CEP128: variants seen among roughly 807,000 people sequenced by gnomAD.
CEP128 encodes centrosomal protein 128.
A neutral mutation model predicts 156.7 loss-of-function variants in CEP128; 132 were observed. That is an observed-to-expected ratio of 0.84 (90% confidence interval 0.73 to 0.97). The LOEUF (loss-of-function observed/expected upper bound fraction) is 0.97, where lower values mean the gene tolerates loss of function less well. Among genes scored for constraint, CEP128 ranks in the 50% least tolerant of loss-of-function variants. The pLI, the probability that CEP128 is intolerant of heterozygous loss-of-function variation, is 0.00. For missense variants in CEP128, 1,252 were observed against 1,281.9 expected (o/e 0.98, Z 0.36); for synonymous variants, 469 against 448.9 (o/e 1.04, Z -0.57).
chr14:80,893,513 A>C (rs1889203175), intron 8 of CEP128, among the ~76,000 whole-genome samples: 1 of 151,704 alleles, frequency 6.6e-6, no homozygotes, highest in Admixed American at 6.6e-5. Context: ...CAAAACAAAA[A>C]AAAAAAATGG....
chr14:80,697,833 A>G (rs1188304072), intron 19 of CEP128, among the ~76,000 whole-genome samples: 1 of 152,018 alleles, frequency 6.6e-6, no homozygotes, highest in Non-Finnish European at 1.5e-5. Context: ...AAAACCAGAT[A>G]CACTTCAACA....
At chr14:80,795,271 A>G (rs547503846) in intron 13 of CEP128, among the ~76,000 whole-genome samples, 1 of 152,158 alleles carries the variant, frequency 6.6e-6, no homozygotes, top group African/African-American at 2.4e-5. Flanking sequence ...TCCTGACTCC[A>G]CCCTCTTCCC....
chr14:80,536,895 AC>A (rs1889508292), intron 21 of CEP128, among the ~76,000 whole-genome samples: 1 of 151,694 alleles, frequency 6.6e-6, no homozygotes, highest in Non-Finnish European at 1.5e-5. Context: ...AGAAGTGTTT[AC>A]ATGTGTATTG....
rs778882539 is a variant in CEP128, at chr14:80,792,757, T to A, written c.1560+3A>T. 6.2e-7 allele frequency: 1 copy of A among 1,611,704 alleles called. No individual in the cohort carries two copies. The highest frequency in any genetic ancestry group is 1.1e-5 in the South Asian group (1 of 91,036). On this transcript the variant is annotated splice_donor_region_variant and intron_variant, in intron 14 of 24. Transcript: ENST00000555265. ...CCGTTCCTTAGGAATGTGGCTTTTA[T>A]ACCTGATTATTCTTGCCTGTCAGTT...
At chr14:80,908,763 C>A (rs1289932414) in intron 4 of CEP128, among the ~76,000 whole-genome samples, 2 of 152,192 alleles carry the variant, frequency 1.3e-5, no homozygotes, top group East Asian at 3.9e-4. Context: ...AGGATGACAT[C>A]TTTCTTCAGA....
intron 8 of CEP128, among the ~76,000 whole-genome samples, chr14:80,885,317 G>A (rs189264274): frequency 2.0e-5 from 3 of 152,274 alleles, no homozygotes; most frequent in East Asian, 3.9e-4. Flanking sequence ...CCTGACCCCC[G>A]TGCCCTCTGA....
intron 19 of CEP128, among the ~76,000 whole-genome samples, chr14:80,583,313 AC>A (rs563434923): frequency 6.6e-4 from 101 of 152,020 alleles, no homozygotes; most frequent in African/African-American, 2.4e-3. Context: ...ATAAGCAGAC[AC>A]CTGTTTTGGT....
At chr14:80,724,452 C>T (rs750089206) in intron 19 of CEP128, among the ~76,000 whole-genome samples, 1 of 152,082 alleles carries the variant, frequency 6.6e-6, no homozygotes, top group Non-Finnish European at 1.5e-5. Flanking sequence ...TAAGTTACTT[C>T]CTTTTTCATT....
intron 16 of CEP128, among the ~76,000 whole-genome samples, chr14:80,768,106 A>G (rs1324527592): frequency 6.6e-6 from 1 of 152,166 alleles, no homozygotes; most frequent in Non-Finnish European, 1.5e-5. Flanking sequence ...CATACAACCA[A>G]TACAACAATT....
chr14:80,749,472 GCAA>G (rs1899278532), intron 18 of CEP128, among the ~76,000 whole-genome samples: 1 of 152,160 alleles, frequency 6.6e-6, no homozygotes, highest in African/African-American at 2.4e-5. Flanking sequence ...CCTGTCATCT[GCAA>G]CAACATTTAT....
chr14:80,901,405 G>A (rs1283851204), intron 6 of CEP128, among the ~76,000 whole-genome samples: 2 of 152,126 alleles, frequency 1.3e-5, no homozygotes, highest in Non-Finnish European at 2.9e-5. Context: ...TCAACAAAAT[G>A]CACATTAAGC....
intron 13 of CEP128, among the ~76,000 whole-genome samples, chr14:80,815,377 A>G (rs553863835): frequency 2.0e-5 from 3 of 152,322 alleles, no homozygotes; most frequent in Admixed American, 1.3e-4. Context: ...ATCACCTTAC[A>G]CCAGTCAGAA....
At chr14:80,843,453 C>A (rs1029793013) in intron 9 of CEP128, among the ~76,000 whole-genome samples, 1 of 152,030 alleles carries the variant, frequency 6.6e-6, no homozygotes, top group Non-Finnish European at 1.5e-5. Flanking sequence ...TATAGAAAAA[C>A]AAGTCTGTGC....
Position 80,604,396 on chromosome 14 carries a change from T to C in CEP128, c.2807-23973A>G, listed in dbSNP as rs148846900. 5.6e-3 allele frequency among the ~76,000 whole-genome samples: 857 copies of C among 152,264 alleles called. 6 individuals carry two copies. Among genetic ancestry groups the C allele is most frequent in the African/African-American group, 0.02 (818 of 41,542 alleles). ...TGGATATGGGAATAGAGGAGAAGAA[T>C]GAAATGTGGCTAGTGTTTCCCATGC... On this transcript the variant is annotated intron_variant, in intron 19 of 24. Transcript: ENST00000555265.
At chr14:80,644,968 G>T (rs1894574523) in intron 19 of CEP128, among the ~76,000 whole-genome samples, 1 of 152,094 alleles carries the variant, frequency 6.6e-6, no homozygotes, top group Non-Finnish European at 1.5e-5. Flanking sequence ...CAATAAAAAT[G>T]AGAGAAAAAT....
intron 21 of CEP128, among the ~76,000 whole-genome samples, chr14:80,553,311 A>C (rs993731482): frequency 7.9e-5 from 12 of 151,830 alleles, no homozygotes; most frequent in African/African-American, 2.9e-4. Flanking sequence ...CTCATGTTCA[A>C]CTCCCACTTA....
chr14:80,721,156 G>A (rs996662451), intron 19 of CEP128, among the ~76,000 whole-genome samples: 2 of 152,056 alleles, frequency 1.3e-5, no homozygotes, highest in African/African-American at 4.8e-5. Flanking sequence ...TATATTGTAA[G>A]ATCCCTTAAA....
At chr14:80,577,700 T>C (rs1482259339) in intron 20 of CEP128, among the ~76,000 whole-genome samples, 1 of 152,184 alleles carries the variant, frequency 6.6e-6, no homozygotes, top group African/African-American at 2.4e-5. Flanking sequence ...CAGCCAGGTA[T>C]CTATTTAAAA....
At chr14:80,919,954 T>C (rs776141846) in intron 2 of CEP128, among the ~76,000 whole-genome samples, 26 of 152,334 alleles carry the variant, frequency 1.7e-4, no homozygotes, top group Non-Finnish European at 3.2e-4. Context: ...GTGAGATATA[T>C]CTGAGAAATT....
Sources: allele counts gnomAD v4.1 joint callset (sites outside exome capture counted in the v4.1 genomes callset), GRCh38; gene constraint gnomAD v4.1.1; transcripts MANE v1.5; gene names NCBI Gene and HGNC (gene_info 2026-07-23, HGNC 2026-07-21).